CELF4: variants seen among roughly 807,000 people sequenced by gnomAD.
CELF4 encodes CUG-BP- and ETR-3-like factor 4.
A neutral mutation model predicts 59.9 loss-of-function variants in CELF4; 18 were observed. The observed-to-expected ratio is 0.30, with a 90% CI of 0.21 to 0.45. The LOEUF (loss-of-function observed/expected upper bound fraction) is 0.45, where lower values mean the gene tolerates loss of function less well. Among genes scored for constraint, CELF4 ranks in the 20% least tolerant of loss-of-function variants. CELF4 has a pLI of 1.00. For synonymous variants in CELF4, 261 were observed against 267.1 expected, an observed-to-expected ratio of 0.98 and a Z score of 0.22; for missense variants, 456 against 689.0, an observed-to-expected ratio of 0.66 and a Z score of 3.79.
chr18:37,391,603 C>G (rs1002507991), intron 2 of CELF4, among the ~76,000 whole-genome samples: 8 of 152,346 alleles, frequency 5.3e-5, no homozygotes, highest in Non-Finnish European at 1.0e-4. Flanking sequence ...ACCATGCCTT[C>G]CCTTGGTTGT....
chr18:37,275,587 GAGC>G, intron 3 of CELF4: 1 of 291,084 alleles, frequency 3.4e-6, no homozygotes, highest in Non-Finnish European at 6.6e-6. Flanking sequence ...CCCCTCACTA[GAGC>G]ACACGGGCAG....
chr18:37,348,571 C>T (rs1299378885), intron 2 of CELF4, among the ~76,000 whole-genome samples: 2 of 152,114 alleles, frequency 1.3e-5, no homozygotes, highest in Non-Finnish European at 2.9e-5. Context: ...GAGCAAGGGA[C>T]AGGACCATGG....
At chr18:37,343,058 T>C (rs3889769) in intron 2 of CELF4, among the ~76,000 whole-genome samples, 73,247 of 151,992 alleles carry the variant, frequency 0.48, 17,958 homozygotes, top group South Asian at 0.57. Flanking sequence ...TGGAAGGGTG[T>C]GCACCGTGTG....
At chr18:37,299,577 G>C (rs1352615578) in intron 3 of CELF4, among the ~76,000 whole-genome samples, 2 of 152,304 alleles carry the variant, frequency 1.3e-5, no homozygotes, top group Middle Eastern at 3.4e-3. Context: ...AGGAGAGGCT[G>C]GCACTGCGGG....
chr18:37,479,862 T>C (rs2099861403), intron 2 of CELF4, among the ~76,000 whole-genome samples: 1 of 152,218 alleles, frequency 6.6e-6, no homozygotes, highest in Non-Finnish European at 1.5e-5. Flanking sequence ...GGGCAGGCCC[T>C]AACGCGATAT....
At chr18:37,365,820 C>T (rs115696576) in intron 2 of CELF4, among the ~76,000 whole-genome samples, 1,969 of 152,112 alleles carry the variant, frequency 0.013, 43 homozygotes, top group African/African-American at 0.044. Context: ...AGGCAACAGC[C>T]GGACACCAGA....
intron 2 of CELF4, among the ~76,000 whole-genome samples, chr18:37,477,330 C>T (rs1245193174): frequency 6.6e-6 from 1 of 152,224 alleles, no homozygotes; most frequent in Non-Finnish European, 1.5e-5. Flanking sequence ...GTGATGTTGA[C>T]TTTGGGCCTC....
At chr18:37,346,905 T>A (rs1381036031) in intron 2 of CELF4, among the ~76,000 whole-genome samples, 1 of 150,982 alleles carries the variant, frequency 6.6e-6, no homozygotes, top group East Asian at 1.9e-4. Context: ...CATTGGGGAG[T>A]GGTGGACGGG....
intron 8 of CELF4, 75 bp downstream of exon 8, chr18:37,270,693 A>G: frequency 6.4e-7 from 1 of 1,566,176 alleles, no homozygotes; most frequent in Non-Finnish European, 8.8e-7. Flanking sequence ...ACATCTTGTT[A>G]TAACAGCAAG....
intron 8 of CELF4, among the ~76,000 whole-genome samples, chr18:37,267,780 A>G (rs1350423996): frequency 6.6e-6 from 1 of 152,046 alleles, no homozygotes; most frequent in African/African-American, 2.4e-5. Context: ...TCATGCCTGC[A>G]ATCCCAACAC....
At chr18:37,423,184 A>C (rs2099591045) in intron 2 of CELF4, among the ~76,000 whole-genome samples, 1 of 152,054 alleles carries the variant, frequency 6.6e-6, no homozygotes, top group Non-Finnish European at 1.5e-5. Context: ...TGAAATGCCT[A>C]ATGCAGTGCT....
intron 1 of CELF4, chr18:37,485,900 T>G: frequency 1.7e-5 from 4 of 236,724 alleles, no homozygotes; most frequent in East Asian, 1.5e-4. Flanking sequence ...CCTTACCCCG[T>G]ACCCTGGTGC....
At chr18:37,383,165 G>T (rs1266622333) in intron 2 of CELF4, among the ~76,000 whole-genome samples, 1 of 152,160 alleles carries the variant, frequency 6.6e-6, no homozygotes, top group Non-Finnish European at 1.5e-5. Flanking sequence ...TTACTTATAG[G>T]CATGAGCCAC....
At chr18:37,322,113 C>T (rs1000374038) in intron 2 of CELF4, among the ~76,000 whole-genome samples, 3 of 152,252 alleles carry the variant, frequency 2.0e-5, no homozygotes, top group Non-Finnish European at 4.4e-5. Context: ...GGACAGGAGA[C>T]TTTGAGATGC....
chr18:37,489,147 G>A (rs1249518039), intron 1 of CELF4, among the ~76,000 whole-genome samples: 1 of 152,248 alleles, frequency 6.6e-6, no homozygotes, highest in Admixed American at 6.5e-5. Context: ...TCCCACCCCG[G>A]GCCCTTCCCA....
chr18:37,275,678 T>G (rs28666824), intron 3 of CELF4: 10,084 of 182,040 alleles, frequency 0.055, 1,117 homozygotes, highest in African/African-American at 0.22. Flanking sequence ...CGGGTCTGAC[T>G]TCGGGCCTTT....
chr18:37,278,877 A>T (rs1360606490), intron 3 of CELF4, among the ~76,000 whole-genome samples: 1 of 152,092 alleles, frequency 6.6e-6, no homozygotes, highest in East Asian at 1.9e-4. Context: ...CCTGTCTCCC[A>T]CCCACTCTGC....
In CELF4 at chr18:37,243,186, C is replaced by CTTTTTTTTTTT. The variant is rs561464294; in HGVS notation, c.*2045_*2055dup. ...TGTTTTCTTTTTTTTTTCTTTTTTT[C>CTTTTTTTTTTT]TTTTTTTTTTTTTTTTTTTTACATC... On this transcript the variant is annotated 3_prime_UTR_variant, in exon 13 of 13. Coordinates refer to ENST00000420428, the MANE Select transcript of CELF4 (RefSeq NM_020180.4). 4.8e-4 allele frequency: 48 copies of CTTTTTTTTTTT among 100,578 alleles called. No homozygotes were observed. The highest frequency in any genetic ancestry group is 5.9e-4 in the East Asian group (2 of 3,382). 6.2% of individuals were successfully genotyped at this position (100,578 alleles called of 1,614,324 possible).
chr18:37,555,468 C>T (rs1179310008), intron 1 of CELF4, among the ~76,000 whole-genome samples: 1 of 152,062 alleles, frequency 6.6e-6, no homozygotes, highest in Non-Finnish European at 1.5e-5. Context: ...GAACAAGGAC[C>T]CCCTCTCCCA....
Sources: allele counts gnomAD v4.1 joint callset (sites outside exome capture counted in the v4.1 genomes callset), GRCh38; gene constraint gnomAD v4.1.1; transcripts MANE v1.5; gene names NCBI Gene and HGNC (gene_info 2026-07-23, HGNC 2026-07-21).